Variants in COL26A1 observed in about 807,000 individuals in gnomAD.
The protein encoded by COL26A1 is collagen alpha-1(XXVI) chain.
COL26A1 carries 41 observed loss-of-function variants against 59.3 expected under a neutral mutation model. The ratio of observed to expected loss-of-function variants is 0.69; its 90% CI spans 0.54 to 0.90. The LOEUF is 0.90. Ranked by LOEUF, COL26A1 falls within the 40% of genes least tolerant of loss-of-function variation. The pLI is 0.00. For missense variants in COL26A1, 612 were observed against 602.3 expected (o/e 1.02, Z -0.17); for synonymous variants, 266 against 256.0 (o/e 1.04, Z -0.37).
chr7:101,432,892 G>A (rs568880768), intron 2 of COL26A1, among the ~76,000 whole-genome samples: 30 of 152,146 alleles, frequency 2.0e-4, no homozygotes, highest in African/African-American at 7.0e-4. Context: ...AGTAGAGACA[G>A]GGTTTCGCCA....
intron 2 of COL26A1, among the ~76,000 whole-genome samples, chr7:101,420,749 T>TTCCCTCTCACCAGCCCC (rs1368732764): frequency 2.9e-4 from 5 of 17,220 alleles, no homozygotes; most frequent in South Asian, 2.2e-3. Flanking sequence ...TAGTCAGCCC[T>TTCCCTCTCACCAGCCCC]TCCCTCTCAC....
At chr7:101,528,520 TCCTCCCCTCCTCTCC>T (rs1160860232) in intron 3 of COL26A1, among the ~76,000 whole-genome samples, 2 of 143,268 alleles carry the variant, frequency 1.4e-5, no homozygotes, top group Non-Finnish European at 3.0e-5. Context: ...CCCTTCCCTC[TCCTCCCCTCCTCTCC>T]CCTCCTGTCC....
At chr7:101,466,544 T>C (rs909349889) in intron 3 of COL26A1, among the ~76,000 whole-genome samples, 1 of 152,042 alleles carries the variant, frequency 6.6e-6, no homozygotes, top group East Asian at 1.9e-4. Context: ...CAGAAAACTT[T>C]AAAAATTAGC....
chr7:101,451,590 AT>A (rs1345235784), intron 3 of COL26A1, among the ~76,000 whole-genome samples: 1 of 150,564 alleles, frequency 6.6e-6, no homozygotes, highest in African/African-American at 2.4e-5. Context: ...AAAGTATATA[AT>A]TTATATATGT....
chr7:101,501,563 C>T (rs1219601700), intron 3 of COL26A1, among the ~76,000 whole-genome samples: 2 of 152,020 alleles, frequency 1.3e-5, no homozygotes, highest in African/African-American at 4.8e-5. Flanking sequence ...AGCCAGGTTC[C>T]TCCAGGAGCT....
chr7:101,533,577 A>T (rs1030682054), intron 4 of COL26A1, among the ~76,000 whole-genome samples: 1 of 152,034 alleles, frequency 6.6e-6, no homozygotes, highest in Non-Finnish European at 1.5e-5. Flanking sequence ...TAAGAACAGG[A>T]CTCCCTAAGT....
At chr7:101,460,025 C>T (rs144033436) in intron 3 of COL26A1, among the ~76,000 whole-genome samples, 262 of 152,328 alleles carry the variant, frequency 1.7e-3, no homozygotes, top group African/African-American at 6.1e-3. Flanking sequence ...ATCTGCAGAG[C>T]TCATCGCTTT....
At chr7:101,398,067 G>A (rs1297262054) in intron 1 of COL26A1, among the ~76,000 whole-genome samples, 1 of 152,146 alleles carries the variant, frequency 6.6e-6, no homozygotes, top group Non-Finnish European at 1.5e-5. Context: ...ACTCTATTGG[G>A]TGTGACTTCT....
At chr7:101,446,046 C>CAAAAAAAAAAAAAAAAAAAAAAAAA (rs60343304) in intron 2 of COL26A1, among the ~76,000 whole-genome samples, 6 of 50,994 alleles carry the variant, frequency 1.2e-4, no homozygotes, top group Non-Finnish European at 1.5e-4. Flanking sequence ...GACTCCGTCT[C>CAAAAAAAAAAAAAAAAAAAAAAAAA]AAAAAAAAAA....
chr7:101,540,137 A>T, intron 5 of COL26A1, 88 bp downstream of exon 5: 1 of 1,328,554 alleles, frequency 7.5e-7, no homozygotes, highest in Admixed American at 2.6e-5. Flanking sequence ...GAGGCCACAC[A>T]CTAGACACTC....
chr7:101,455,432 C>T (rs1355269038), intron 3 of COL26A1, among the ~76,000 whole-genome samples: 1 of 152,056 alleles, frequency 6.6e-6, no homozygotes, highest in African/African-American at 2.4e-5. Flanking sequence ...GGGTGAGAAG[C>T]CTCCAGATCT....
intron 2 of COL26A1, among the ~76,000 whole-genome samples, chr7:101,422,598 C>T (rs1341638310): frequency 6.6e-6 from 1 of 152,034 alleles, no homozygotes; most frequent in Non-Finnish European, 1.5e-5. Flanking sequence ...ACAGGCTGGG[C>T]TTTGGCTCAG....
At chr7:101,418,808 A>C (rs1368655246) in intron 1 of COL26A1, among the ~76,000 whole-genome samples, 3 of 151,798 alleles carry the variant, frequency 2.0e-5, no homozygotes, top group African/African-American at 7.3e-5. Flanking sequence ...AGGAGGTGGG[A>C]GCACCTTAAC....
rs370501931 is a variant in COL26A1, at chr7:101,531,066, C to G, written c.386-2016C>G. Among the ~76,000 whole-genome samples the G allele has an allele frequency of 3.2e-3, 492 of 151,998 alleles. 3 individuals carry two copies. The highest frequency in any genetic ancestry group is 0.011 in the African/African-American group (459 of 41,492). The stretch of plus-strand genomic sequence containing the variant: ...GCTCACTGCAAGCTCTGCCTCCTGG[C>G]TTCATGCCAGTCTCCTGCCTCAGCC... On this transcript the variant is annotated intron_variant, in intron 3 of 12. Transcript: ENST00000313669.
chr7:101,466,823 TGTGTGTGTGTGTGTGAGA>T (rs1244998205), intron 3 of COL26A1, among the ~76,000 whole-genome samples: 10 of 126,104 alleles, frequency 7.9e-5, no homozygotes, highest in African/African-American at 2.9e-4. Context: ...TGTGTGTGTG[TGTGTGTGTGTGTGTGAGA>T]GAGAGAGATT....
In COL26A1 at chr7:101,427,278, G is replaced by T. The variant is rs572745604; in HGVS notation, c.281+7179G>T. On this transcript the variant is annotated intron_variant, in intron 2 of 12. Transcript: ENST00000313669. ...AGATCTTGCTTTGTTGTCCAGGCTG[G>T]TCTTGAACTCCTGGCCTCAAGTGGC... is the stretch of plus-strand genomic sequence containing the variant. Among the ~76,000 whole-genome samples the T allele has an allele frequency of 2.0e-5, 3 of 152,284 alleles. No homozygotes were observed. The South Asian group carries it at 6.2e-4, about 32-fold the overall frequency.
At chr7:101,520,176 C>T (rs1392704596) in intron 3 of COL26A1, among the ~76,000 whole-genome samples, 1 of 152,116 alleles carries the variant, frequency 6.6e-6, no homozygotes, top group African/African-American at 2.4e-5. Flanking sequence ...GTAGAGACCA[C>T]CATTGCTACA....
At chr7:101,534,342 T>C (rs982216594) in intron 4 of COL26A1, among the ~76,000 whole-genome samples, 1 of 152,060 alleles carries the variant, frequency 6.6e-6, no homozygotes, top group Non-Finnish European at 1.5e-5. Flanking sequence ...CAAGAACCCC[T>C]AGAAGAGAGC....
At chr7:101,443,899 G>T (rs1231790701) in intron 2 of COL26A1, among the ~76,000 whole-genome samples, 3 of 143,050 alleles carry the variant, frequency 2.1e-5, no homozygotes, top group Non-Finnish European at 4.5e-5. Flanking sequence ...CAGAGACAGG[G>T]TCTTGCTCTG....
Sources: gnomAD v4.1 joint callset for allele counts (sites outside exome capture counted in the v4.1 genomes callset) on GRCh38, gnomAD v4.1.1 for gene constraint, MANE v1.5 for transcripts, NCBI Gene and HGNC (gene_info 2026-07-23, HGNC 2026-07-21) for gene names.